STK39: variants seen among roughly 807,000 people sequenced by gnomAD.
STK39 encodes the protein serine/threonine kinase 39.
Under a neutral mutation model 77.8 loss-of-function variants are expected in STK39, and 20 were observed. The observed-to-expected ratio is 0.26, with a 90% CI of 0.18 to 0.37. STK39 has a LOEUF of 0.37. Among genes scored for constraint, STK39 ranks in the 10% least tolerant of loss-of-function variants. The pLI is 1.00. For synonymous variants in STK39, 246 were observed against 234.1 expected (o/e 1.05, Z -0.47); for missense variants, 479 against 656.5 (o/e 0.73, Z 2.95).
chr2:168,230,976 C>A (rs570441407), intron 1 of STK39, among the ~76,000 whole-genome samples: 1 of 152,174 alleles, frequency 6.6e-6, no homozygotes, highest in Non-Finnish European at 1.5e-5. Flanking sequence ...CAGAATCCCA[C>A]CCACCACCCT....
chr2:168,150,303 CAGTT>C (rs1357083267), intron 5 of STK39, among the ~76,000 whole-genome samples: 12 of 152,190 alleles, frequency 7.9e-5, no homozygotes, highest in African/African-American at 2.2e-4. Context: ...TCTTATGACA[CAGTT>C]AGTCCAAGGG....
intron 16 of STK39, among the ~76,000 whole-genome samples, chr2:167,979,799 T>C (rs1308700150): frequency 1.3e-5 from 2 of 152,092 alleles, no homozygotes; most frequent in African/African-American, 4.8e-5. Flanking sequence ...AGTTTGAAAA[T>C]AATTAAATAA....
rs78296292 is a variant in STK39, at chr2:167,965,933, T to C, written c.1499-1207A>G. Among the ~76,000 whole-genome samples the C allele has an allele frequency of 1.3e-4, 20 of 152,206 alleles. No individual in the cohort carries two copies. In the East Asian group the frequency reaches 2.7e-3, roughly 20 times the overall value. The stretch of plus-strand genomic sequence containing the variant: ...ATTTTCTGCAGATTAGTTTATTTCA[T>C]TTAATCCATCAGCTGCAGAGGAGAA... On this transcript the variant is annotated intron_variant, in intron 16 of 17. Coordinates refer to ENST00000355999, the MANE Select transcript of STK39 (RefSeq NM_013233.3).
intron 1 of STK39, among the ~76,000 whole-genome samples, chr2:168,235,638 T>C (rs1313326530): frequency 2.5e-5 from 3 of 117,832 alleles, no homozygotes; most frequent in Non-Finnish European, 4.9e-5. Flanking sequence ...CAGAGTGTGA[T>C]GTTCCCCTTC....
chr2:168,173,612 C>T (rs1028880962), intron 2 of STK39, among the ~76,000 whole-genome samples: 1 of 152,092 alleles, frequency 6.6e-6, no homozygotes, highest in African/African-American at 2.4e-5. Flanking sequence ...GGCTAGAATG[C>T]AATGGTGAAA....
At chr2:168,168,555 GA>G (rs1462159726) in intron 2 of STK39, among the ~76,000 whole-genome samples, 1 of 152,136 alleles carries the variant, frequency 6.6e-6, no homozygotes, top group African/African-American at 2.4e-5. Flanking sequence ...TACCCAAGCA[GA>G]ACATCTCAAT....
intron 16 of STK39, among the ~76,000 whole-genome samples, chr2:168,005,030 G>A (rs1474978800): frequency 8.6e-6 from 1 of 116,244 alleles, no homozygotes; most frequent in Non-Finnish European, 1.6e-5. Flanking sequence ...TTTTGAGACA[G>A]AGTCTCGCTC....
At chr2:167,983,475 T>TG (rs1273787754) in intron 16 of STK39, among the ~76,000 whole-genome samples, 797 of 47,864 alleles carry the variant, frequency 0.017, 13 homozygotes, top group African/African-American at 0.063. Flanking sequence ...AAAAAAGAAA[T>TG]GAAAGGAAGG....
intron 1 of STK39, among the ~76,000 whole-genome samples, chr2:168,186,377 T>C (rs932289646): frequency 2.6e-5 from 4 of 152,214 alleles, no homozygotes; most frequent in African/African-American, 9.6e-5. Context: ...ACAAAAGCCT[T>C]GAAATGTCTG....
At chr2:167,982,718 T>G (rs1396379940) in intron 16 of STK39, among the ~76,000 whole-genome samples, 1 of 152,138 alleles carries the variant, frequency 6.6e-6, no homozygotes, top group East Asian at 1.9e-4. Context: ...AATTAACAAA[T>G]GAAAGACCTG....
At chr2:168,234,496 G>C (rs1261873254) in intron 1 of STK39, among the ~76,000 whole-genome samples, 1 of 152,112 alleles carries the variant, frequency 6.6e-6, no homozygotes, top group East Asian at 1.9e-4. Context: ...CCCCGCATAA[G>C]GGACCACCTC....
intron 17 of STK39, among the ~76,000 whole-genome samples, chr2:167,956,728 TCC>T (rs1235889078): frequency 3.7e-5 from 2 of 53,596 alleles, no homozygotes; most frequent in South Asian, 6.1e-4. Flanking sequence ...TCTCTCTCTC[TCC>T]CCCCCCGCCC....
Position 167,980,457 on chromosome 2 carries a change from G to A in STK39, c.1499-15731C>T, listed in dbSNP as rs75902879. 1.3e-3 allele frequency among the ~76,000 whole-genome samples: 192 copies of A among 152,290 alleles called. 3 individuals are homozygous for A. The highest frequency in any genetic ancestry group is 4.1e-3 in the African/African-American group (169 of 41,544). ...CTTGAGATTTAACCTAGTGGCTTCT[G>A]GACTGGGAAAAGCTTTGGAAAAGTT... On this transcript the variant is annotated intron_variant, in intron 16 of 17. Coordinates refer to ENST00000355999, the MANE Select transcript of STK39 (RefSeq NM_013233.3).
rs149150600 is a variant in STK39 at position 168,033,884 on chromosome 2, G to A, written c.1377-16789C>T. On this transcript the variant is annotated intron_variant, in intron 14 of 17. Transcript: ENST00000355999. The stretch of plus-strand genomic sequence containing the variant: ...CATCTATAAAATAAGGTAGTGACAC[G>A]AACTACTTCATGGCATAACTATGAG... 3.9e-5 allele frequency among the ~76,000 whole-genome samples: 6 copies of A among 152,256 alleles called. No individual in the cohort carries two copies. In the East Asian group the frequency reaches 5.8e-4, roughly 15 times the overall value.
chr2:168,143,992 T>C (rs771364893), intron 5 of STK39, among the ~76,000 whole-genome samples: 2 of 152,218 alleles, frequency 1.3e-5, no homozygotes, highest in African/African-American at 4.8e-5. Context: ...ACACAGCATC[T>C]CCGGCACCCT....
At chr2:168,195,344 G>A (rs1044709034) in intron 1 of STK39, among the ~76,000 whole-genome samples, 1 of 152,140 alleles carries the variant, frequency 6.6e-6, no homozygotes, top group African/African-American at 2.4e-5. Context: ...AGGTTGCAGT[G>A]AGCCACGATG....
At chr2:167,971,697 G>T (rs530616847) in intron 16 of STK39, among the ~76,000 whole-genome samples, 1 of 152,206 alleles carries the variant, frequency 6.6e-6, no homozygotes, top group Admixed American at 6.5e-5. Context: ...AATTAAATCT[G>T]CTAATCTTTC....
chr2:167,972,152 C>T (rs1692365266), intron 16 of STK39, among the ~76,000 whole-genome samples: 1 of 152,162 alleles, frequency 6.6e-6, no homozygotes, highest in African/African-American at 2.4e-5. Flanking sequence ...AACCCAGAAG[C>T]CTGGCATGAT....
At chr2:168,178,086 G>C (rs1225493094) in intron 2 of STK39, among the ~76,000 whole-genome samples, 2 of 152,166 alleles carry the variant, frequency 1.3e-5, no homozygotes, top group African/African-American at 4.8e-5. Context: ...GATAATTCTG[G>C]TGTTAACAAG....
Sources: allele counts gnomAD v4.1 joint callset (sites outside exome capture counted in the v4.1 genomes callset), GRCh38; gene constraint gnomAD v4.1.1; transcripts MANE v1.5; gene names NCBI Gene and HGNC (gene_info 2026-07-23, HGNC 2026-07-21).